The following SPINT2 variants were observed in gnomAD, a reference collection of about 807,000 sequenced individuals.
SPINT2 encodes serine peptidase inhibitor, Kunitz type 2.
A neutral mutation model predicts 30.1 loss-of-function variants in SPINT2; 18 were observed. That is an observed-to-expected ratio of 0.60 (90% CI 0.41 to 0.89). The LOEUF is 0.89. SPINT2 is among the 40% of genes least tolerant of loss of function. SPINT2 has a pLI of 0.00. For missense variants in SPINT2, 276 were observed against 334.3 expected (o/e 0.83, Z 1.36); for synonymous variants, 139 against 137.9 (o/e 1.01, Z -0.05).
Position 38,290,556 on chromosome 19 carries a change from C to T in SPINT2, c.573C>T (p.Pro191=). 5 of 1,614,120 alleles carry T rather than the reference C, an allele frequency of 3.1e-6. No individual in the cohort carries two copies. In the South Asian group the frequency reaches 3.3e-5, roughly 11 times the overall value. ...TTCCAGGCCAGCAGGAGAATCCTCC[C>T]CTGCCCCTTGGCTCAAAGGGTAAGT... ...LRCFRQQENP[P]LPLGSKVVVL... is the part of the protein sequence containing the mutation. Residue 191 remains proline, a synonymous_variant, in exon 6 of 7, where the codon CCC becomes CCT. Coordinates refer to ENST00000301244, the MANE Select transcript of SPINT2 (RefSeq NM_021102.4). The surrounding 1 kb of genome is among the most constrained non-coding windows in gnomAD (Gnocchi z 4.3).
chr19:38,264,879 C>T lies in SPINT2; in HGVS notation c.-14C>T, dbSNP rs996497427. On this transcript the variant is annotated 5_prime_UTR_variant, in exon 1 of 7. Coordinates refer to ENST00000301244, the MANE Select transcript of SPINT2 (RefSeq NM_021102.4). The stretch of plus-strand genomic sequence containing the variant: ...GGCTGGTGGCGTCGCCTGCGCGTCT[C>T]GGCTGAGCTGGCCATGGCGCAGCTG... 161 of 1,533,090 alleles carry T rather than the reference C, an allele frequency of 1.1e-4. 2 individuals carry two copies. The Admixed American group carries it at 2.9e-3, about 28-fold the overall frequency. The allele number at this position is 1,533,090 out of a possible 1,614,324, so 95.0% of individuals were successfully genotyped here.
rs910334084 is a variant in SPINT2, at chr19:38,289,059, G to A, written c.338-79G>A. ...AAGGCGTGTCCACACTCCTCAGTGGGCCCTTCCAGACCCAGACCCAGCTAG... is the reference window on the plus strand; with the variant it reads ...AAGGCGTGTCCACACTCCTCAGTGGACCCTTCCAGACCCAGACCCAGCTAG... On this transcript the variant is annotated intron_variant, in intron 3 of 6. Coordinates refer to ENST00000301244, the MANE Select transcript of SPINT2 (RefSeq NM_021102.4). 4 of 1,323,604 alleles carry A rather than the reference G, an allele frequency of 3.0e-6. No homozygotes were observed. In the African/African-American group the frequency reaches 5.8e-5, roughly 19 times the overall value. 82.0% of individuals were successfully genotyped at this position (1,323,604 alleles called of 1,614,324 possible). A position where few individuals can be genotyped will look rare whatever the true frequency, so the allele number is the denominator to read the frequency against.
intron 1 of SPINT2, among the ~76,000 whole-genome samples, chr19:38,271,914 C>T (rs1037558626): frequency 3.3e-5 from 5 of 151,898 alleles, no homozygotes; most frequent in African/African-American, 1.2e-4. Context: ...GGGTCCATGG[C>T]CTCAGAAGTC....
rs1437235603 is a variant in SPINT2 at position 38,290,951 on chromosome 19, T to C, written c.592+376T>C. 2.7e-6 allele frequency: 1 copy of C among 375,636 alleles called. No homozygotes were observed. The highest frequency in any genetic ancestry group is 5.1e-6 in the Non-Finnish European group (1 of 195,476). 23.3% of individuals were successfully genotyped at this position (375,636 alleles called of 1,614,324 possible). A position where few individuals can be genotyped will look rare whatever the true frequency, so the allele number is the denominator to read the frequency against. On this transcript the variant is annotated intron_variant, in intron 6 of 6. Coordinates refer to ENST00000301244, the MANE Select transcript of SPINT2 (RefSeq NM_021102.4). This position sits in a 1 kb window ranked among gnomAD's most constrained non-coding sequence, Gnocchi z 4.3. ...CAGGACGGAGGACCACGGGCCAGGG[T>C]GTTTCCCAACACAGTCTGGTCTGAG...
chr19:38,287,788 G>A, intron 2 of SPINT2, 88 bp from the exon 3 acceptor site: 16 of 1,400,460 alleles, frequency 1.1e-5, no homozygotes, highest in Non-Finnish European at 1.6e-5. Flanking sequence ...GGATGCTGTG[G>A]TGAGAGGCGC....
At chr19:38,274,690 C>T (rs542776829) in intron 1 of SPINT2, among the ~76,000 whole-genome samples, 5 of 152,002 alleles carry the variant, frequency 3.3e-5, no homozygotes, top group Non-Finnish European at 7.4e-5. Flanking sequence ...GTAGTACACT[C>T]CTGGAGTCCT....
In SPINT2 at chr19:38,290,743, T is replaced by G. The variant is rs1294856618; in HGVS notation, c.592+168T>G. On this transcript the variant is annotated intron_variant, in intron 6 of 6. Transcript: ENST00000301244. The surrounding 1 kb of genome is among the most constrained non-coding windows in gnomAD (Gnocchi z 4.3). ...GCGAGGTGGTGGTTTGTCCCACCGT[T>G]CAGTGTACACAGTTGGGGCTGGAGT... is the stretch of plus-strand genomic sequence containing the variant. 1 of 975,532 alleles carries G rather than the reference T, an allele frequency of 1.0e-6. No individual in the cohort carries two copies. Among genetic ancestry groups the G allele is most frequent in the Non-Finnish European group, 1.6e-6 (1 of 643,070 alleles). 60.4% of individuals were successfully genotyped at this position (975,532 alleles called of 1,614,324 possible).
intron 1 of SPINT2, among the ~76,000 whole-genome samples, chr19:38,280,727 GGTC>G (rs68034869): frequency 0.14 from 21,837 of 152,098 alleles, 1,858 homozygotes; most frequent in East Asian, 0.37. Flanking sequence ...TGATACTGTG[GGTC>G]ACCCTGCTTC....
At position 38,289,184 on chromosome 19, in the gene SPINT2, C is replaced by A. The variant is rs771949526; in HGVS notation, c.384C>A (p.Asn128Lys). Residue 128 changes from asparagine to lysine, a missense_variant, in exon 4 of 7, where the codon AAC becomes AAA. Coordinates refer to ENST00000301244, the MANE Select transcript of SPINT2 (RefSeq NM_021102.4). ...AAGACCACTCCAGCGATATGTTCAA[C>A]TATGAAGGTAAAACTCCAAAGAGGC... is the stretch of plus-strand genomic sequence containing the variant. The part of the protein sequence containing the change: ...DSEDHSSDMF[N>K]YEEYCTANAV... The A allele has an allele frequency of 8.1e-6, 13 of 1,613,968 alleles. No homozygotes were observed. The South Asian group carries it at 1.3e-4, about 16-fold the overall frequency.
intron 1 of SPINT2, 105 bp downstream of exon 1, chr19:38,265,103 T>C: frequency 8.0e-6 from 6 of 747,546 alleles, no homozygotes; most frequent in Non-Finnish European, 1.2e-5. Flanking sequence ...AACTGGGGGC[T>C]ACTTGATGGC....
intron 3 of SPINT2, 50 bp from the exon 4 acceptor site, chr19:38,289,088 T>C: frequency 6.3e-7 from 1 of 1,575,132 alleles, no homozygotes; most frequent in African/African-American, 1.3e-5. Flanking sequence ...CAGCTAGGCC[T>C]GTGTCCTGTG....
intron 4 of SPINT2, chr19:38,289,643 G>T: frequency 3.8e-6 from 1 of 259,800 alleles, no homozygotes; most frequent in Non-Finnish European, 7.5e-6. Flanking sequence ...GCCCCCTGAG[G>T]TTGGGGTCAA....
intron 1 of SPINT2, among the ~76,000 whole-genome samples, chr19:38,282,892 G>A (rs763756020): frequency 3.9e-5 from 6 of 152,194 alleles, no homozygotes; most frequent in Non-Finnish European, 7.3e-5. Context: ...TGCTGATAGC[G>A]CCTCTCCTTC....
At chr19:38,287,219 A>C (rs1239579099) in intron 2 of SPINT2, among the ~76,000 whole-genome samples, 1 of 151,522 alleles carries the variant, frequency 6.6e-6, no homozygotes, top group Non-Finnish European at 1.5e-5. Flanking sequence ...TTGTTTTTTG[A>C]GACGGAGTCT....
intron 1 of SPINT2, among the ~76,000 whole-genome samples, chr19:38,282,240 C>T (rs903801124): frequency 5.3e-5 from 8 of 152,172 alleles, no homozygotes; most frequent in Admixed American, 2.6e-4. Context: ...GTGAAACAAA[C>T]CTAACAAACA....
chr19:38,276,080 G>C (rs1277784828), intron 1 of SPINT2, among the ~76,000 whole-genome samples: 1 of 152,142 alleles, frequency 6.6e-6, no homozygotes, highest in Non-Finnish European at 1.5e-5. Context: ...CTGATTATGA[G>C]ATTGCTTTGT....
intron 1 of SPINT2, among the ~76,000 whole-genome samples, chr19:38,282,874 A>G (rs1376526264): frequency 6.6e-6 from 1 of 152,190 alleles, no homozygotes; most frequent in Non-Finnish European, 1.5e-5. Context: ...TGTGAGGACT[A>G]CCGAGGGTGC....
Position 38,291,888 on chromosome 19 carries a change from GA to G in SPINT2, c.642del (p.Ala215ProfsTer6), listed in dbSNP as rs1483927837. On this transcript the variant is annotated frameshift_variant, in exon 7 of 7. Coordinates refer to ENST00000301244, the MANE Select transcript of SPINT2 (RefSeq NM_021102.4). LOFTEE classifies it high-confidence loss of function. ...LFVMVLILFL[G>X]ASMVYLIRVA... ...GTGATGGTGTTGATCCTCTTCCTGG[GA>G]GCCTCCATGGTCTACCTGATCCGGG... The G allele has an allele frequency of 1.9e-6, 3 of 1,613,672 alleles. No homozygotes were observed.
At chr19:38,276,239 C>T (rs990220145) in intron 1 of SPINT2, among the ~76,000 whole-genome samples, 5 of 152,160 alleles carry the variant, frequency 3.3e-5, no homozygotes, top group Admixed American at 6.5e-5. Context: ...TTGGGCTTTC[C>T]TGTCCTGCAC....
Sources: allele counts gnomAD v4.1 joint callset (sites outside exome capture counted in the v4.1 genomes callset), GRCh38; gene constraint gnomAD v4.1.1; non-coding constraint Gnocchi (gnomAD v3.1); transcripts MANE v1.5; gene names NCBI Gene and HGNC (gene_info 2026-07-23, HGNC 2026-07-21).